The following DDX19A variants were observed in gnomAD, a reference collection of about 807,000 sequenced individuals.
DDX19A encodes the protein DEAD-box helicase 19A, also known as ATP-dependent RNA helicase DDX19A.
In DDX19A, 12 loss-of-function variants were observed where a neutral mutation model predicts 60.6. That is an observed-to-expected ratio of 0.20 (90% confidence interval 0.13 to 0.32). DDX19A has a LOEUF of 0.32. Among genes scored for constraint, DDX19A ranks in the 10% least tolerant of loss-of-function variants. DDX19A has a pLI of 1.00. For synonymous variants in DDX19A, 206 were observed against 218.2 expected, an observed-to-expected ratio of 0.94 and a Z score of 0.49; for missense variants, 337 against 600.6, an observed-to-expected ratio of 0.56 and a Z score of 4.59.
intron 5 of DDX19A, among the ~76,000 whole-genome samples, chr16:70,363,140 C>G (rs559713887): frequency 4.6e-5 from 7 of 151,954 alleles, no homozygotes; most frequent in African/African-American, 1.4e-4. Flanking sequence ...GCATGTGTTA[C>G]TGCACCTGGC....
chr16:70,365,992 G>T (rs781227576), intron 7 of DDX19A, 93 bp from the exon 8 acceptor site: 2 of 1,580,366 alleles, frequency 1.3e-6, no homozygotes, highest in South Asian at 1.1e-5. Context: ...GAAATAACTT[G>T]TTCTCCTAGT....
rs138782022 is a variant in DDX19A at position 70,361,662 on chromosome 16, G to A, written c.386+152G>A. On this transcript the variant is annotated intron_variant, in intron 5 of 11. Coordinates refer to ENST00000302243, the MANE Select transcript of DDX19A (RefSeq NM_018332.5). Reference sequence around the variant, plus strand: ...GCAAGTGCAGAGAGAATCGGATGGAGTTAGCTACAGTTTCTGCCTTTCCCA... The same window carrying A: ...GCAAGTGCAGAGAGAATCGGATGGAATTAGCTACAGTTTCTGCCTTTCCCA... 6.3e-4 allele frequency: 369 copies of A among 589,294 alleles called. 1 individual carries two copies. The highest frequency in any genetic ancestry group is 2.5e-3 in the Admixed American group (78 of 31,536). 36.5% of individuals were successfully genotyped at this position (589,294 alleles called of 1,614,324 possible).
At chr16:70,361,218 G>T (rs1964355588) in intron 4 of DDX19A, among the ~76,000 whole-genome samples, 200 bp from the exon 5 acceptor site, 1 of 152,192 alleles carries the variant, frequency 6.6e-6, no homozygotes, top group South Asian at 2.1e-4. Flanking sequence ...TAGAATAGTT[G>T]CAGATTAAGA....
At chr16:70,357,305 G>A (rs1360355985) in intron 4 of DDX19A, among the ~76,000 whole-genome samples, 1 of 143,000 alleles carries the variant, frequency 7.0e-6, no homozygotes, top group African/African-American at 2.6e-5. Context: ...TTAGACTATA[G>A]GGTTTACAGT....
intron 1 of DDX19A, 67 bp from the exon 2 acceptor site, chr16:70,350,485 TTTTTC>T: frequency 1.7e-6 from 2 of 1,207,540 alleles, no homozygotes; most frequent in Non-Finnish European, 1.2e-6. Flanking sequence ...TACTAGAAAG[TTTTTC>T]TTTTCTTAGG....
At chr16:70,358,753 A>G (rs1964290011) in intron 4 of DDX19A, among the ~76,000 whole-genome samples, 1 of 152,148 alleles carries the variant, frequency 6.6e-6, no homozygotes, top group Non-Finnish European at 1.5e-5. Flanking sequence ...AGGCTGAGGT[A>G]GGAGAATTGC....
At chr16:70,364,160 A>G in intron 5 of DDX19A, 1 of 168,254 alleles carries the variant, frequency 5.9e-6, no homozygotes, top group Non-Finnish European at 1.3e-5. Context: ...AAAGGCACAC[A>G]CAGAAGGAAC....
At chr16:70,356,283 C>T in intron 4 of DDX19A, 36 bp downstream of exon 4, 1 of 1,611,986 alleles carries the variant, frequency 6.2e-7, no homozygotes, top group Non-Finnish European at 8.5e-7. Flanking sequence ...TCTTCGTTGC[C>T]AGTCTCTCCC....
In DDX19A at chr16:70,346,915, C is replaced by T. The variant is rs749707741; in HGVS notation, c.-77C>T. The T allele has an allele frequency of 3.8e-5, 55 of 1,454,940 alleles. No individual in the cohort carries two copies. The highest frequency in any genetic ancestry group is 4.8e-5 in the East Asian group (2 of 41,536). 90.1% of individuals were successfully genotyped at this position (1,454,940 alleles called of 1,614,324 possible). A position where few individuals can be genotyped will look rare whatever the true frequency, so the allele number is the denominator to read the frequency against. On this transcript the variant is annotated 5_prime_UTR_variant, in exon 1 of 12. Coordinates refer to ENST00000302243, the MANE Select transcript of DDX19A (RefSeq NM_018332.5). Reference sequence around the variant, plus strand: ...GTCCGCGTGAGGTGCATTCTCGCGCCGGTGGCGAGGTTAGGGCCCGCGTTG... The same window carrying T: ...GTCCGCGTGAGGTGCATTCTCGCGCTGGTGGCGAGGTTAGGGCCCGCGTTG...
intron 4 of DDX19A, chr16:70,356,819 A>C: frequency 8.7e-7 from 1 of 1,155,528 alleles, no homozygotes; most frequent in Non-Finnish European, 1.1e-6. Flanking sequence ...ATCATAGCTA[A>C]AAGTCTTATT....
At chr16:70,366,582 C>T in intron 8 of DDX19A, 42 bp from the exon 9 acceptor site, 1 of 1,612,040 alleles carries the variant, frequency 6.2e-7, no homozygotes, top group African/African-American at 1.3e-5. Context: ...CCGTTGCTTC[C>T]CAGGGCCACC....
intron 2 of DDX19A, 39 bp from the exon 3 acceptor site, chr16:70,355,446 A>G (rs777629806): frequency 5.2e-5 from 77 of 1,486,438 alleles, no homozygotes; most frequent in Non-Finnish European, 5.3e-5. Context: ...TGGTTCTCAT[A>G]TTTGCCTTTC....
chr16:70,356,334 T>C lies in DDX19A; in HGVS notation c.293+87T>C, dbSNP rs568633090. ...ATCTGAGAGATTCTTGTGAGAATTT[T>C]ACTTTTAAAAATTTAGTGTATTTTT... On this transcript the variant is annotated intron_variant, in intron 4 of 11. Transcript: ENST00000302243. The C allele has an allele frequency of 1.5e-4, 238 of 1,557,788 alleles. 2 individuals are homozygous for C. In the South Asian group the frequency reaches 1.6e-3, roughly 10 times the overall value.
intron 1 of DDX19A, among the ~76,000 whole-genome samples, chr16:70,348,416 AAG>A (rs982470781): frequency 1.3e-5 from 2 of 151,952 alleles, no homozygotes; most frequent in African/African-American, 4.8e-5. Flanking sequence ...ACTCGAGGTC[AAG>A]AGTTTGATAC....
At chr16:70,368,171 G>A (rs1964576170) in intron 9 of DDX19A, among the ~76,000 whole-genome samples, 1 of 152,134 alleles carries the variant, frequency 6.6e-6, no homozygotes, top group Admixed American at 6.6e-5. Flanking sequence ...GCAACACTCT[G>A]TCTCAAAACA....
chr16:70,355,587 C>T (rs1964161685), intron 3 of DDX19A, 52 bp downstream of exon 3: 1 of 1,469,326 alleles, frequency 6.8e-7, no homozygotes, highest in Non-Finnish European at 9.5e-7. Context: ...CAGGGCTTGC[C>T]TTCCTGGAGC....
intron 2 of DDX19A, among the ~76,000 whole-genome samples, chr16:70,352,166 T>G (rs1234193207): frequency 6.9e-6 from 1 of 145,290 alleles, no homozygotes; most frequent in Non-Finnish European, 1.5e-5. Flanking sequence ...AAGTGTAGAT[T>G]CTCATATTCT....
intron 9 of DDX19A, among the ~76,000 whole-genome samples, chr16:70,369,944 G>T (rs185043840): frequency 1.7e-4 from 26 of 152,168 alleles, no homozygotes; most frequent in Admixed American, 3.9e-4. Context: ...TACAAGCCAG[G>T]TGACATTGTT....
At chr16:70,352,865 T>G (rs1231725848) in intron 2 of DDX19A, among the ~76,000 whole-genome samples, 1 of 151,374 alleles carries the variant, frequency 6.6e-6, no homozygotes, top group African/African-American at 2.4e-5. Context: ...CTCGAACTCC[T>G]GACCTCAGGT....
Sources: allele counts gnomAD v4.1 joint callset (sites outside exome capture counted in the v4.1 genomes callset), GRCh38; gene constraint gnomAD v4.1.1; transcripts MANE v1.5; gene names NCBI Gene and HGNC (gene_info 2026-07-23, HGNC 2026-07-21).